Variants in LSAMP observed in about 807,000 individuals in gnomAD.
The protein encoded by LSAMP is limbic system-associated membrane protein.
LSAMP carries 7 observed loss-of-function variants against 38.6 expected under a neutral mutation model. That is an observed-to-expected ratio of 0.18 (90% CI 0.10 to 0.34). The LOEUF (loss-of-function observed/expected upper bound fraction) is 0.34, where lower values mean the gene tolerates loss of function less well. Ranked by LOEUF, LSAMP falls within the 10% of genes least tolerant of loss-of-function variation. The pLI is 1.00. For missense variants in LSAMP, 313 were observed against 420.0 expected, an observed-to-expected ratio of 0.75 and a Z score of 2.23; for synonymous variants, 154 against 166.8, an observed-to-expected ratio of 0.92 and a Z score of 0.59.
At chr3:116,003,646 T>C (rs948862053) in intron 3 of LSAMP, among the ~76,000 whole-genome samples, 5 of 152,108 alleles carry the variant, frequency 3.3e-5, no homozygotes, top group Non-Finnish European at 7.4e-5. Flanking sequence ...CATCCTGGAT[T>C]AACGCTGAAT....
chr3:115,970,734 A>T (rs1361697069), intron 3 of LSAMP, among the ~76,000 whole-genome samples: 1 of 152,204 alleles, frequency 6.6e-6, no homozygotes, highest in African/African-American at 2.4e-5. Flanking sequence ...GTTAGGGTGG[A>T]AATGTGACAC....
chr3:116,185,110 A>T (rs1290813125), intron 1 of LSAMP, among the ~76,000 whole-genome samples: 2 of 127,422 alleles, frequency 1.6e-5, no homozygotes, highest in Admixed American at 8.8e-5. Flanking sequence ...AGATTTCTTC[A>T]TTTTTCCCTT....
Position 116,122,541 on chromosome 3 carries a change from AAT to A in LSAMP, c.156-35987_156-35986del, listed in dbSNP as rs111293959. Among the ~76,000 whole-genome samples the A allele has an allele frequency of 3.2e-3, 483 of 152,298 alleles. 3 individuals carry two copies. The highest frequency in any genetic ancestry group is 0.011 in the African/African-American group (451 of 41,568). ...TACTTATTATTTGTTAGTACTTTTTAATATGTTTTTCACATTCAGCCATCTCA... is the reference window on the plus strand; with the variant it reads ...TACTTATTATTTGTTAGTACTTTTTAATGTTTTTCACATTCAGCCATCTCA... On this transcript the variant is annotated intron_variant, in intron 1 of 6. Transcript: ENST00000490035.
chr3:116,266,463 G>T (rs933773527), intron 1 of LSAMP, among the ~76,000 whole-genome samples: 4 of 152,128 alleles, frequency 2.6e-5, no homozygotes, highest in African/African-American at 9.7e-5. Flanking sequence ...GAAACCAAGA[G>T]ACAAAAGGAA....
chr3:116,043,871 G>A (rs556003580), intron 2 of LSAMP, among the ~76,000 whole-genome samples: 24 of 152,330 alleles, frequency 1.6e-4, no homozygotes, highest in Middle Eastern at 3.4e-3. Context: ...GCGTGAACCG[G>A]TCAGGCGGAG....
intron 6 of LSAMP, among the ~76,000 whole-genome samples, chr3:115,832,621 A>G (rs867665823): frequency 1.3e-5 from 2 of 152,194 alleles, no homozygotes; most frequent in Non-Finnish European, 2.9e-5. Flanking sequence ...AAGAAGTTAA[A>G]GTCCTTGTAA....
intron 6 of LSAMP, chr3:115,841,616 A>G: frequency 2.5e-6 from 1 of 406,950 alleles, no homozygotes; most frequent in East Asian, 3.9e-5. Context: ...ACGAAGAAAA[A>G]CAAACAACAA....
intron 1 of LSAMP, among the ~76,000 whole-genome samples, chr3:116,320,183 G>A (rs1357291360): frequency 6.6e-6 from 1 of 152,150 alleles, no homozygotes; most frequent in Admixed American, 6.5e-5. Flanking sequence ...GGGAGGCCAA[G>A]GCGGGTGGAT....
intron 1 of LSAMP, among the ~76,000 whole-genome samples, chr3:116,227,429 C>T (rs2046354081): frequency 6.6e-6 from 1 of 152,194 alleles, no homozygotes; most frequent in South Asian, 2.1e-4. Flanking sequence ...CCACTTTCTT[C>T]ATTACTATAA....
intron 2 of LSAMP, among the ~76,000 whole-genome samples, chr3:116,073,001 T>C (rs937934517): frequency 4.6e-5 from 7 of 152,316 alleles, no homozygotes; most frequent in African/African-American, 1.7e-4. Context: ...CCTGAAATGG[T>C]ATTGCCTTGC....
At chr3:115,988,258 A>G (rs1426357603) in intron 3 of LSAMP, among the ~76,000 whole-genome samples, 1 of 152,166 alleles carries the variant, frequency 6.6e-6, no homozygotes, top group African/African-American at 2.4e-5. Flanking sequence ...TTGATCTACT[A>G]TATTTCACTT....
intron 6 of LSAMP, chr3:115,834,725 A>G (rs1228898265): frequency 3.1e-6 from 1 of 317,514 alleles, no homozygotes; most frequent in African/African-American, 2.3e-5. Flanking sequence ...CATATCTCTC[A>G]TAAAACATTT....
In LSAMP at chr3:116,444,804, AC is replaced by A. The variant is rs879416940; in HGVS notation, c.155+72del. On this transcript the variant is annotated intron_variant, in intron 1 of 6. Coordinates refer to ENST00000490035, the MANE Select transcript of LSAMP (RefSeq NM_002338.5). ...GGAGATCAGACACACACACACACAC[AC>A]ACACAAACACACACACACACACACA... is the stretch of plus-strand genomic sequence containing the variant. The A allele has an allele frequency of 8.2e-3, 12,135 of 1,485,628 alleles. 70 individuals are homozygous for A. Among genetic ancestry groups the A allele is most frequent in the Middle Eastern group, 0.035 (195 of 5,546 alleles). The allele number at this position is 1,485,628 out of a possible 1,614,324, so 92.0% of individuals were successfully genotyped here. A position where few individuals can be genotyped will look rare whatever the true frequency, so the allele number is the denominator to read the frequency against.
In LSAMP at chr3:115,806,925, A is replaced by C. The variant is rs1026407703; in HGVS notation, c.*3392T>G. The C allele has an allele frequency of 6.6e-6, 1 of 152,202 alleles. No individual in the cohort carries two copies. Among genetic ancestry groups the C allele is most frequent in the Non-Finnish European group, 1.5e-5 (1 of 68,044 alleles). The allele number at this position is 152,202 out of a possible 1,614,324, so 9.4% of individuals were successfully genotyped here. ...TTCTTCAGGAAGCACCCTGGGTCAA[A>C]GTCATTTCTGTTTTTGTTAACTGAA... On this transcript the variant is annotated 3_prime_UTR_variant, in exon 7 of 7. Transcript: ENST00000490035.
intron 2 of LSAMP, among the ~76,000 whole-genome samples, chr3:116,050,532 G>A (rs2902652): frequency 0.025 from 1,289 of 52,020 alleles, 15 homozygotes; most frequent in African/African-American, 0.12. Context: ...GAAATTAGGG[G>A]GAAAAAAAAA....
At chr3:116,234,031 T>G (rs2046435387) in intron 1 of LSAMP, among the ~76,000 whole-genome samples, 1 of 152,242 alleles carries the variant, frequency 6.6e-6, no homozygotes, top group African/African-American at 2.4e-5. Flanking sequence ...CAGCTGGAAC[T>G]TGCTCAGCTA....
chr3:116,121,602 C>T (rs928704484), intron 1 of LSAMP, among the ~76,000 whole-genome samples: 3 of 152,114 alleles, frequency 2.0e-5, no homozygotes, highest in Admixed American at 6.6e-5. Flanking sequence ...TTAGGCAATA[C>T]GAGTACTAAC....
At chr3:115,963,927 A>AT (rs1394111381) in intron 3 of LSAMP, among the ~76,000 whole-genome samples, 3 of 151,850 alleles carry the variant, frequency 2.0e-5, no homozygotes, top group Non-Finnish European at 2.9e-5. Flanking sequence ...CTATTTTTTT[A>AT]TTTTTTGTAG....
chr3:116,437,595 G>T (rs1293006854), intron 1 of LSAMP, among the ~76,000 whole-genome samples: 4 of 151,808 alleles, frequency 2.6e-5, no homozygotes, highest in Admixed American at 6.6e-5. Context: ...GAGGGAAAAG[G>T]GGAGAGGAAG....
Sources: allele counts gnomAD v4.1 joint callset (sites outside exome capture counted in the v4.1 genomes callset), GRCh38; gene constraint gnomAD v4.1.1; transcripts MANE v1.5; gene names NCBI Gene and HGNC (gene_info 2026-07-23, HGNC 2026-07-21).